OSBPL5: variants seen among roughly 807,000 people sequenced by gnomAD.
OSBPL5 encodes oxysterol binding protein like 5, also known as oxysterol-binding protein-related protein 5.
OSBPL5 carries 71 observed loss-of-function variants against 111.2 expected under a neutral mutation model. That is an observed-to-expected ratio of 0.64 (90% CI 0.53 to 0.78). The LOEUF is 0.78. Among genes scored for constraint, OSBPL5 ranks in the 30% least tolerant of loss-of-function variants. The pLI is 0.00. For synonymous variants in OSBPL5, 549 were observed against 513.9 expected (o/e 1.07, Z -0.93); for missense variants, 1,210 against 1,189.3 (o/e 1.02, Z -0.26).
intron 10 of OSBPL5, among the ~76,000 whole-genome samples, chr11:3,103,710 C>A (rs868560244): frequency 1.5e-5 from 2 of 135,494 alleles, no homozygotes; most frequent in African/African-American, 3.2e-5. Context: ...CTGCGTACCC[C>A]CTTCCAGGCT....
In OSBPL5 at chr11:3,100,951, C is replaced by A. The variant is rs1857430871; in HGVS notation, c.1522+652G>T. On this transcript the variant is annotated intron_variant, in intron 13 of 21. Coordinates refer to ENST00000263650, the MANE Select transcript of OSBPL5 (RefSeq NM_020896.4). ...CCTGTGTGATTTGGCAATAGAGGGACTGCAGTTTCAGTTTCATTTCTTTTT... is the reference window on the plus strand; with the variant it reads ...CCTGTGTGATTTGGCAATAGAGGGAATGCAGTTTCAGTTTCATTTCTTTTT... 2.7e-5 allele frequency among the ~76,000 whole-genome samples: 4 copies of A among 150,628 alleles called. No individual in the cohort carries two copies. The East Asian group carries it at 7.8e-4, about 29-fold the overall frequency.
At chr11:3,129,311 G>A in intron 1 of OSBPL5, 142 bp from the exon 2 acceptor site, 1 of 776,308 alleles carries the variant, frequency 1.3e-6, no homozygotes, top group Non-Finnish European at 1.8e-6. Flanking sequence ...GGCCCTGGGA[G>A]CCTGGTGGTG....
chr11:3,148,179 G>A (rs1311120724), intron 1 of OSBPL5, among the ~76,000 whole-genome samples: 2 of 152,240 alleles, frequency 1.3e-5, no homozygotes, highest in Admixed American at 6.5e-5. Context: ...ACTCCCCGGG[G>A]AGCAGGTCGG....
chr11:3,137,453 T>C (rs1845980896), intron 1 of OSBPL5, among the ~76,000 whole-genome samples: 1 of 152,132 alleles, frequency 6.6e-6, no homozygotes, highest in Non-Finnish European at 1.5e-5. Flanking sequence ...CTGATATGAT[T>C]CTCGGAATGC....
At position 3,101,709 on chromosome 11, in the gene OSBPL5, G is replaced by C. The variant is rs777420443; in HGVS notation, c.1426-10C>G. 1.9e-5 allele frequency: 30 copies of C among 1,610,670 alleles called. No individual in the cohort carries two copies. The highest frequency in any genetic ancestry group is 2.5e-5 in the Non-Finnish European group (30 of 1,177,896). On this transcript the variant is annotated splice_polypyrimidine_tract_variant and intron_variant, in intron 12 of 21. Coordinates refer to ENST00000263650, the MANE Select transcript of OSBPL5 (RefSeq NM_020896.4). ...GCGGGTGGTGGGACACCTGCGTGCA[G>C]GGAGGCGGCTCTGTAAACAGCCCCG... is the stretch of plus-strand genomic sequence containing the variant.
chr11:3,127,060 G>A (rs1470605097), intron 2 of OSBPL5, among the ~76,000 whole-genome samples: 1 of 152,210 alleles, frequency 6.6e-6, no homozygotes, highest in Non-Finnish European at 1.5e-5. Context: ...AGAGGCAAAG[G>A]AGGGAGACCT....
intron 21 of OSBPL5, 93 bp downstream of exon 21, chr11:3,089,753 G>T: frequency 8.2e-7 from 1 of 1,220,212 alleles, no homozygotes; most frequent in Non-Finnish European, 1.2e-6. Context: ...CCCAGCCGCG[G>T]CCTCCTGGCC....
chr11:3,092,548 A>G lies in OSBPL5; in HGVS notation c.2143T>C (p.Trp715Arg). ...TGGGCGATGTCCTTCAGGGGGTCCC[A>G]GGGGCTGTGGCTGGAGGGTCCAGAG... Reference protein sequence around the residue: ...WHYRYEDHSPWDPLKDIAQFE... With the variant: ...WHYRYEDHSPRDPLKDIAQFE... Residue 715 changes from tryptophan to arginine, a missense_variant, in exon 19 of 22, where the codon TGG becomes CGG. By Grantham distance (101) the Trp-to-Arg change is moderately radical. Coordinates refer to ENST00000263650, the MANE Select transcript of OSBPL5 (RefSeq NM_020896.4). This position sits in a 1 kb window ranked among gnomAD's most constrained non-coding sequence, Gnocchi z 5.4. 1 of 1,591,118 alleles carries G rather than the reference A, an allele frequency of 6.3e-7. No homozygotes were observed.
intron 3 of OSBPL5, among the ~76,000 whole-genome samples, chr11:3,125,672 G>C (rs1361491955): frequency 1.3e-5 from 2 of 152,204 alleles, no homozygotes; most frequent in African/African-American, 2.4e-5. Context: ...GGGCGTGGTG[G>C]CGGGCGCCTG....
Position 3,162,585 on chromosome 11 carries a change from G to A in OSBPL5, c.-22+2631C>T, listed in dbSNP as rs575695996. 2.0e-5 allele frequency among the ~76,000 whole-genome samples: 3 copies of A among 151,834 alleles called. No homozygotes were observed. The highest frequency in any genetic ancestry group is 2.1e-4 in the South Asian group (1 of 4,810). ...TCCTTAGTCCAAGTCCTTTGTACTC[G>A]ACCGCCAACCCTACCACTCTCCGGA... On this transcript the variant is annotated intron_variant, in intron 1 of 21. Coordinates refer to ENST00000263650, the MANE Select transcript of OSBPL5 (RefSeq NM_020896.4). This position sits in a 1 kb window ranked among gnomAD's most constrained non-coding sequence, Gnocchi z 8.1.
chr11:3,151,404 C>T (rs1370210896), intron 1 of OSBPL5, among the ~76,000 whole-genome samples: 1 of 152,144 alleles, frequency 6.6e-6, no homozygotes, highest in Non-Finnish European at 1.5e-5. Context: ...CTTCCTCAGC[C>T]CCTCTGCCAC....
chr11:3,093,248 C>CTTTTTTAAT, intron 17 of OSBPL5, 196 bp from the exon 18 acceptor site: 1 of 738,592 alleles, frequency 1.4e-6, no homozygotes, highest in Non-Finnish European at 2.1e-6. Flanking sequence ...CACTGAGCTC[C>CTTTTTTAAT]CATCTCCCGC....
intron 17 of OSBPL5, among the ~76,000 whole-genome samples, 173 bp from the exon 18 acceptor site, chr11:3,093,225 T>G (rs182846024): frequency 1.3e-5 from 2 of 152,290 alleles, no homozygotes; most frequent in Admixed American, 1.3e-4. Flanking sequence ...GTCCATGAGA[T>G]GGGTTTTTCC....
chr11:3,101,510 C>A, intron 13 of OSBPL5, 93 bp downstream of exon 13: 1 of 1,182,898 alleles, frequency 8.5e-7, no homozygotes, highest in Non-Finnish European at 1.2e-6. Flanking sequence ...GGCACATGGC[C>A]CCCATCCAGA....
At chr11:3,120,709 A>G (rs1205299617) in intron 5 of OSBPL5, 85 bp from the exon 6 acceptor site, 1 of 1,493,160 alleles carries the variant, frequency 6.7e-7, no homozygotes, top group Non-Finnish European at 9.0e-7. Flanking sequence ...GGAGCCAGGC[A>G]CAGACCAGGG....
Position 3,160,489 on chromosome 11 carries a change from A to G in OSBPL5, c.-22+4727T>C, listed in dbSNP as rs527561602. ...TACAAATGCCGTTGCCTGGAGCCGC[A>G]GCCCAGCGAATGGGACCCACAGCGG... On this transcript the variant is annotated intron_variant, in intron 1 of 21. Transcript: ENST00000263650. Among the ~76,000 whole-genome samples, 765 of 152,314 alleles carry G rather than the reference A, an allele frequency of 5.0e-3. 3 individuals carry two copies. Among genetic ancestry groups the G allele is most frequent in the African/African-American group, 0.017 (689 of 41,566 alleles).
chr11:3,164,779 C>G (rs1847062829), intron 1 of OSBPL5, among the ~76,000 whole-genome samples: 1 of 152,218 alleles, frequency 6.6e-6, no homozygotes, highest in Non-Finnish European at 1.5e-5. Flanking sequence ...GACCTGGCTC[C>G]TTGGAGCCCG....
chr11:3,093,964 C>G (rs1857157668), intron 15 of OSBPL5, 129 bp from the exon 16 acceptor site: 1 of 1,171,652 alleles, frequency 8.5e-7, no homozygotes, highest in Non-Finnish European at 1.2e-6. Context: ...GGACCCAACC[C>G]TCGCCAACGA....
Position 3,126,547 on chromosome 11 carries a change from T to G in OSBPL5, c.145A>C (p.Met49Leu). 2 of 1,607,882 alleles carry G rather than the reference T, an allele frequency of 1.2e-6. No individual in the cohort carries two copies. Among genetic ancestry groups the G allele is most frequent in the Non-Finnish European group, 1.7e-6 (2 of 1,178,128 alleles). Residue 49 changes from methionine to leucine, a missense_variant, in exon 3 of 22, where the codon ATG becomes CTG. By Grantham distance (15) the Met-to-Leu change is conservative. Transcript: ENST00000263650. This position sits in a 1 kb window ranked among gnomAD's most constrained non-coding sequence, Gnocchi z 6.5. Reference protein sequence around the residue: ...ELYPLSPGKDMEPNGPSLPRD... With the variant: ...ELYPLSPGKDLEPNGPSLPRD... ...GGCAGCGACGGGCCGTTGGGCTCCA[T>G]GTCCTTCCCTGCAAGAGAGCAGTGG...
Sources: gnomAD v4.1 joint callset for allele counts (sites outside exome capture counted in the v4.1 genomes callset) on GRCh38, gnomAD v4.1.1 for gene constraint, Gnocchi (gnomAD v3.1) non-coding constraint, MANE v1.5 for transcripts, NCBI Gene and HGNC (gene_info 2026-07-23, HGNC 2026-07-21) for gene names.